GRID2: variants seen among roughly 807,000 people sequenced by gnomAD.
GRID2 encodes the protein glutamate ionotropic receptor delta type subunit 2, also known as glutamate receptor ionotropic, delta-2.
GRID2 carries 33 observed loss-of-function variants against 114.8 expected under a neutral mutation model. The observed-to-expected ratio is 0.29, with a 90% CI of 0.22 to 0.38. GRID2 has a LOEUF of 0.38. Among genes scored for constraint, GRID2 ranks in the 10% least tolerant of loss-of-function variants. GRID2 has a pLI of 1.00. For missense variants in GRID2, 1,184 were observed against 1,257.7 expected (o/e 0.94, Z 0.89); for synonymous variants, 505 against 449.9 (o/e 1.12, Z -1.55).
chr4:93,073,116 A>G (rs1305533580), intron 2 of GRID2, among the ~76,000 whole-genome samples: 1 of 152,182 alleles, frequency 6.6e-6, no homozygotes, highest in Non-Finnish European at 1.5e-5. Context: ...CACCAAGTTT[A>G]GTGCAATACT....
intron 14 of GRID2, among the ~76,000 whole-genome samples, chr4:93,667,430 T>G (rs1015902576): frequency 4.6e-5 from 7 of 151,798 alleles, no homozygotes; most frequent in African/African-American, 1.5e-4. Flanking sequence ...ATGGCCTTAG[T>G]GATAACCAGG....
At chr4:92,989,948 A>G (rs1374616680) in intron 2 of GRID2, among the ~76,000 whole-genome samples, 1 of 152,198 alleles carries the variant, frequency 6.6e-6, no homozygotes, top group Non-Finnish European at 1.5e-5. Flanking sequence ...AGAACTAGGC[A>G]TCAGGAATTG....
At chr4:92,311,608 AAAT>A (rs1291355375) in intron 1 of GRID2, among the ~76,000 whole-genome samples, 17 of 152,098 alleles carry the variant, frequency 1.1e-4, no homozygotes, top group African/African-American at 3.9e-4. Context: ...CTATTTTAAA[AAAT>A]AATCTCATTT....
intron 13 of GRID2, among the ~76,000 whole-genome samples, chr4:93,590,210 C>G (rs13128732): frequency 0.13 from 18,345 of 144,710 alleles, 1,758 homozygotes; most frequent in Middle Eastern, 0.26. Context: ...AGTCTTTAAT[C>G]CATCTTGAAC....
chr4:92,960,509 A>G (rs1047589787), intron 2 of GRID2, among the ~76,000 whole-genome samples: 1 of 151,974 alleles, frequency 6.6e-6, no homozygotes, highest in African/African-American at 2.4e-5. Flanking sequence ...TTATCATGTA[A>G]TGCTCCTCCT....
chr4:92,641,522 A>G (rs1731349984), intron 2 of GRID2, among the ~76,000 whole-genome samples: 2 of 151,812 alleles, frequency 1.3e-5, no homozygotes, highest in Middle Eastern at 6.8e-3. Context: ...ATCAGAATTC[A>G]GGAGGTAGAT....
intron 1 of GRID2, among the ~76,000 whole-genome samples, chr4:92,350,962 A>G (rs1728037118): frequency 6.6e-6 from 1 of 151,804 alleles, no homozygotes; most frequent in African/African-American, 2.4e-5. Context: ...TTTACTTAGC[A>G]TATTATTTTC....
At chr4:93,756,138 TCTTA>T (rs1051827664) in intron 14 of GRID2, among the ~76,000 whole-genome samples, 2 of 152,168 alleles carry the variant, frequency 1.3e-5, no homozygotes, top group South Asian at 2.1e-4. Flanking sequence ...TTTAAAAACA[TCTTA>T]CTTATTAACG....
intron 2 of GRID2, among the ~76,000 whole-genome samples, chr4:92,805,037 C>T (rs971904565): frequency 3.9e-5 from 6 of 151,946 alleles, no homozygotes; most frequent in African/African-American, 1.2e-4. Flanking sequence ...CTATCCTAAG[C>T]TTTGCAAGTA....
chr4:92,359,794 G>A (rs1272600700), intron 1 of GRID2, among the ~76,000 whole-genome samples: 1 of 151,878 alleles, frequency 6.6e-6, no homozygotes, highest in African/African-American at 2.4e-5. Context: ...TCAATGAAAG[G>A]CTTTAAAAGC....
intron 2 of GRID2, among the ~76,000 whole-genome samples, chr4:93,002,403 T>C (rs1209335345): frequency 6.6e-6 from 1 of 151,612 alleles, no homozygotes; most frequent in Non-Finnish European, 1.5e-5. Flanking sequence ...TTGTTTACCG[T>C]AGCCAAAAAA....
At chr4:92,356,122 G>A (rs1292240783) in intron 1 of GRID2, among the ~76,000 whole-genome samples, 3 of 151,336 alleles carry the variant, frequency 2.0e-5, no homozygotes, top group Non-Finnish European at 4.4e-5. Flanking sequence ...TTAAGTTGGG[G>A]AAATTTATTT....
At chr4:92,852,170 G>T (rs1242108902) in intron 2 of GRID2, among the ~76,000 whole-genome samples, 1 of 152,012 alleles carries the variant, frequency 6.6e-6, no homozygotes, top group African/African-American at 2.4e-5. Flanking sequence ...GGAGGGGGGT[G>T]TATTTGTGGC....
At chr4:93,736,089 G>C (rs980803153) in intron 14 of GRID2, among the ~76,000 whole-genome samples, 1 of 151,908 alleles carries the variant, frequency 6.6e-6, no homozygotes, top group African/African-American at 2.4e-5. Context: ...AAGGTGAAAG[G>C]CATTGTCTGT....
chr4:92,502,223 A>G (rs1723719793), intron 1 of GRID2, among the ~76,000 whole-genome samples: 2 of 152,092 alleles, frequency 1.3e-5, no homozygotes, highest in South Asian at 2.1e-4. Flanking sequence ...TTTCTATTTT[A>G]TAAGTTCAAT....
chr4:92,651,985 G>C (rs1288073043), intron 2 of GRID2, among the ~76,000 whole-genome samples: 1 of 152,148 alleles, frequency 6.6e-6, no homozygotes, highest in Non-Finnish European at 1.5e-5. Context: ...CATGTGTCAG[G>C]AGTGGGGACC....
At chr4:93,050,390 A>G (rs1340176146) in intron 2 of GRID2, among the ~76,000 whole-genome samples, 4 of 151,972 alleles carry the variant, frequency 2.6e-5, no homozygotes, top group Non-Finnish European at 5.9e-5. Context: ...CTCCTCCTTA[A>G]TCATGAATGC....
At chr4:92,361,762 C>A (rs1049767302) in intron 1 of GRID2, among the ~76,000 whole-genome samples, 2 of 151,902 alleles carry the variant, frequency 1.3e-5, no homozygotes, top group Admixed American at 6.6e-5. Context: ...AGTGGAAGGG[C>A]CTCAAGTACG....
intron 1 of GRID2, among the ~76,000 whole-genome samples, chr4:92,339,986 A>G (rs1053628345): frequency 1.3e-5 from 2 of 152,174 alleles, no homozygotes; most frequent in Non-Finnish European, 2.9e-5. Flanking sequence ...TGAGTTTAAG[A>G]ATGGTTGTGG....
Sources: allele counts gnomAD v4.1 joint callset (sites outside exome capture counted in the v4.1 genomes callset), GRCh38; gene constraint gnomAD v4.1.1; transcripts MANE v1.5; gene names NCBI Gene and HGNC (gene_info 2026-07-23, HGNC 2026-07-21).